ZSCAN29: variants seen among roughly 807,000 people sequenced by gnomAD.
The protein encoded by ZSCAN29 is zinc finger and SCAN domain containing 29.
Under a neutral mutation model 71.9 loss-of-function variants are expected in ZSCAN29, and 55 were observed. That is an observed-to-expected ratio of 0.76 (90% confidence interval 0.62 to 0.96). The LOEUF is 0.96. Among genes scored for constraint, ZSCAN29 ranks in the 40% least tolerant of loss-of-function variants. The probability of loss-of-function intolerance (pLI) is 0.00; values close to 1 mark genes in which losing one functional copy is unlikely to be tolerated. For missense variants in ZSCAN29, 1,042 were observed against 1,042.2 expected (o/e 1.00, Z 0.00); for synonymous variants, 351 against 371.6 (o/e 0.94, Z 0.64).
At chr15:43,362,297 T>C (rs893359309) in intron 5 of ZSCAN29, among the ~76,000 whole-genome samples, 4 of 152,216 alleles carry the variant, frequency 2.6e-5, no homozygotes, top group African/African-American at 7.2e-5. Flanking sequence ...TTTTGCCACA[T>C]CTCGGGTCTG....
intron 1 of ZSCAN29, 73 bp from the exon 2 acceptor site, chr15:43,370,098 C>G (rs1369912788): frequency 7.8e-6 from 5 of 641,498 alleles, no homozygotes; most frequent in African/African-American, 1.8e-5. Flanking sequence ...AGCTGGCCTG[C>G]CTTTCCATGT....
chr15:43,361,082 A>G lies in ZSCAN29; in HGVS notation c.2550T>C (p.Ala850=). ...ATATATCCTCAGGGGCTTACTTGGGAGCTGACTGTGTCAGAAGCTTTTCCC... is the reference window on the plus strand; with the variant it reads ...ATATATCCTCAGGGGCTTACTTGGGGGCTGACTGTGTCAGAAGCTTTTCCC... ...HAREKLLTQS[A]PK is the part of the protein sequence containing the mutation. Residue 850 remains alanine (A), a synonymous_variant, in exon 6 of 6, where the codon GCT becomes GCC. Coordinates refer to ENST00000684362, the MANE Select transcript of ZSCAN29 (RefSeq NM_001372080.1). The G allele has an allele frequency of 6.3e-7, 1 of 1,596,082 alleles. No individual in the cohort carries two copies. The highest frequency in any genetic ancestry group is 8.6e-7 in the Non-Finnish European group (1 of 1,168,102).
intron 5 of ZSCAN29, among the ~76,000 whole-genome samples, chr15:43,363,040 C>T (rs980216939): frequency 1.1e-4 from 16 of 151,530 alleles, no homozygotes; most frequent in Non-Finnish European, 1.9e-4. Flanking sequence ...TGCAATGGCA[C>T]GATCTCAGCT....
chr15:43,362,146 G>C (rs1444031801), intron 5 of ZSCAN29, among the ~76,000 whole-genome samples: 1 of 151,878 alleles, frequency 6.6e-6, no homozygotes, highest in Non-Finnish European at 1.5e-5. Flanking sequence ...ATCTACATAG[G>C]GTCTGAATAA....
chr15:43,362,035 T>C (rs745547417), intron 5 of ZSCAN29, 94 bp from the exon 6 acceptor site: 197 of 1,325,268 alleles, frequency 1.5e-4, no homozygotes, highest in Non-Finnish European at 2.0e-4. Flanking sequence ...TTACACCACA[T>C]GATTAAAATT....
At position 43,369,301 on chromosome 15, in the gene ZSCAN29, T is replaced by C. The variant is rs564812266; in HGVS notation, c.319-174A>G. On this transcript the variant is annotated intron_variant, in intron 2 of 5. Transcript: ENST00000684362. ...TTCCATTGCCATTAGCTTAAAGCAG[T>C]TGAAACTCCAGAAGGAAACGATCAA... is the stretch of plus-strand genomic sequence containing the variant. 79 of 643,684 alleles carry C rather than the reference T, an allele frequency of 1.2e-4. No homozygotes were observed. The South Asian group carries it at 1.3e-3, about 11-fold the overall frequency. 39.9% of individuals were successfully genotyped at this position (643,684 alleles called of 1,614,324 possible). A position where few individuals can be genotyped will look rare whatever the true frequency, so the allele number is the denominator to read the frequency against.
At chr15:43,363,736 G>A (rs1298963691) in intron 5 of ZSCAN29, 179 bp downstream of exon 5, 1 of 572,718 alleles carries the variant, frequency 1.7e-6, no homozygotes, top group African/African-American at 1.9e-5. Context: ...GGGAAGTCAA[G>A]TCACATAAAT....
At chr15:43,362,082 T>C in intron 5 of ZSCAN29, 141 bp from the exon 6 acceptor site, 1 of 813,856 alleles carries the variant, frequency 1.2e-6, no homozygotes. Context: ...ACCATTATCT[T>C]ATTAAAATCC....
In ZSCAN29 at chr15:43,369,361, ATC is replaced by A; in HGVS notation, c.318+233_318+234del. On this transcript the variant is annotated intron_variant, in intron 2 of 5. Transcript: ENST00000684362. ...CCCACCTTCAGGCTGAAAAAAAAAA[ATC>A]CCCTTTCTTCCCTATTAAGAAACTA... 1.2e-5 allele frequency: 7 copies of A among 593,088 alleles called. No individual in the cohort carries two copies. In the South Asian group the frequency reaches 2.1e-4, roughly 18 times the overall value. The allele number at this position is 593,088 out of a possible 1,614,324, so 36.7% of individuals were successfully genotyped here. A position where few individuals can be genotyped will look rare whatever the true frequency, so the allele number is the denominator to read the frequency against.
rs2142733559 is a variant in ZSCAN29, at chr15:43,366,540, C to T, written c.792G>A (p.Glu264=). 6.2e-7 allele frequency: 1 copy of T among 1,614,248 alleles called. No individual in the cohort carries two copies. Among genetic ancestry groups the T allele is most frequent in the East Asian group, 2.2e-5 (1 of 44,890 alleles). ...GGCAGTTTCTGAGAGCCTCATAAAA[C>T]TCAGTCTGGCTGAGAATTGCGAGGA... The part of the protein sequence containing the change: ...RTLLAILSQT[E]FYEALRNCHR... The change falls in exon 4 of 6, where the codon GAG becomes GAA. Residue 264 remains glutamate (E), a synonymous_variant. Transcript: ENST00000684362.
At chr15:43,362,054 C>T (rs2043988081) in intron 5 of ZSCAN29, 113 bp from the exon 6 acceptor site, 1 of 1,067,858 alleles carries the variant, frequency 9.4e-7, no homozygotes, top group Admixed American at 2.7e-5. Context: ...TTTAGGGAGC[C>T]CTAGATCCCA....
rs1595466984 is a variant in ZSCAN29, at chr15:43,364,294, G to A, written c.1311C>T (p.Arg437=). Residue 437 remains arginine (R), a synonymous_variant, in exon 5 of 6, where the codon CGC becomes CGT. Transcript: ENST00000684362. The part of the protein sequence containing the change: ...QFYEALRNCH[R]NSQLYGAVAE... ...CCACTGCTCCATACAGCTGGCTGTT[G>A]CGGTGACAGTTCCGGAGGGCTTCAT... The A allele has an allele frequency of 1.2e-6, 2 of 1,614,158 alleles. No homozygotes were observed. Among genetic ancestry groups the A allele is most frequent in the Middle Eastern group, 1.6e-4 (1 of 6,062 alleles).
In ZSCAN29 at chr15:43,370,987, G is replaced by GCCCCGGCCCCGGCCCCGGCCCCGA; in HGVS notation, c.-543_-542insTCGGGGCCGGGGCCGGGGCCGGGG. On this transcript the variant is annotated 5_prime_UTR_variant, in exon 1 of 6. Coordinates refer to ENST00000684362, the MANE Select transcript of ZSCAN29 (RefSeq NM_001372080.1). ...GGGTCCGACCCTGACCCCGGCCCCG[G>GCCCCGGCCCCGGCCCCGGCCCCGA]CCCCGGCCCCGGCCCCGGCTCTCCA... is the stretch of plus-strand genomic sequence containing the variant. 3.2e-6 allele frequency: 1 copy of GCCCCGGCCCCGGCCCCGGCCCCGA among 316,648 alleles called. No homozygotes were observed. Among genetic ancestry groups the GCCCCGGCCCCGGCCCCGGCCCCGA allele is most frequent in the South Asian group, 3.4e-5 (1 of 29,696 alleles). The allele number at this position is 316,648 out of a possible 1,614,324, so 19.6% of individuals were successfully genotyped here.
chr15:43,368,949 T>C lies in ZSCAN29; in HGVS notation c.497A>G (p.Glu166Gly). The stretch of plus-strand genomic sequence containing the variant: ...GCTCCTTTGAAAAGGTTTGAGCTTC[T>C]CCTTTGGGTTCATCTGCTCCTGTGG... ...LGPQEQMNPK[E>G]KLKPFQRSGL... Residue 166 changes from glutamate (E) to glycine (G), a missense_variant, in exon 3 of 6, where the codon GAG becomes GGG. Physicochemically the swap from Glu to Gly is moderately conservative, Grantham distance 98. Transcript: ENST00000684362. 1 of 1,609,330 alleles carries C rather than the reference T, an allele frequency of 6.2e-7. No homozygotes were observed. The highest frequency in any genetic ancestry group is 1.1e-5 in the South Asian group (1 of 90,096).
Position 43,361,580 on chromosome 15 carries a change from C to G in ZSCAN29, c.2052G>C (p.Gly684=). 1 of 1,614,180 alleles carries G rather than the reference C, an allele frequency of 6.2e-7. No individual in the cohort carries two copies. The highest frequency in any genetic ancestry group is 1.1e-5 in the South Asian group (1 of 91,086). ...GTCGTGCACTCCGACTGAAGCTTTTCCCACAATCAGCACATTTATATGGAT... is the reference window on the plus strand; with the variant it reads ...GTCGTGCACTCCGACTGAAGCTTTTGCCACAATCAGCACATTTATATGGAT... ...VENPYKCADC[G]KSFSRSARLI... The change falls in exon 6 of 6, where the codon GGG becomes GGC. Residue 684 remains glycine, a synonymous_variant. Coordinates refer to ENST00000684362, the MANE Select transcript of ZSCAN29 (RefSeq NM_001372080.1).
chr15:43,364,494 GA>G, intron 4 of ZSCAN29, 112 bp from the exon 5 acceptor site: 1 of 1,018,792 alleles, frequency 9.8e-7, no homozygotes, highest in Non-Finnish European at 1.5e-6. Flanking sequence ...GCTCCTAGAT[GA>G]AAAAGTAAAA....
In ZSCAN29 at chr15:43,371,013, G is replaced by C; in HGVS notation, c.-568C>G. The C allele has an allele frequency of 4.2e-6, 1 of 236,104 alleles. No homozygotes were observed. The highest frequency in any genetic ancestry group is 4.5e-5 in the South Asian group (1 of 22,120). The allele number at this position is 236,104 out of a possible 1,614,324, so 14.6% of individuals were successfully genotyped here. On this transcript the variant is annotated 5_prime_UTR_variant, in exon 1 of 6. Coordinates refer to ENST00000684362, the MANE Select transcript of ZSCAN29 (RefSeq NM_001372080.1). ...CCCCGGCCCCGGCCCCGGCTCTCCA[G>C]CCTCCCAAGTACAGCTCCCAAACCG...
rs2043980538 is a variant in ZSCAN29, at chr15:43,361,521, T to G, written c.2111A>C (p.Lys704Thr). ...IRHRRIHTGE[K>T]PYKCLDCGKS... ...TCCACAGTCAAGACATTTATAAGGTTTCTCTCCAGTGTGGATTCTCCGGTG... is the reference window on the plus strand; with the variant it reads ...TCCACAGTCAAGACATTTATAAGGTGTCTCTCCAGTGTGGATTCTCCGGTG... Residue 704 changes from lysine (K) to threonine (T), a missense_variant, in exon 6 of 6, where the codon AAA becomes ACA. Coordinates refer to ENST00000684362, the MANE Select transcript of ZSCAN29 (RefSeq NM_001372080.1). 6.2e-7 allele frequency: 1 copy of G among 1,614,082 alleles called. No homozygotes were observed. The highest frequency in any genetic ancestry group is 8.5e-7 in the Non-Finnish European group (1 of 1,180,042).
Position 43,369,734 on chromosome 15 carries a change from C to G in ZSCAN29, c.180G>C (p.Leu60=). The change falls in exon 2 of 6, where the codon CTG becomes CTC. Residue 60 remains leucine (L), a synonymous_variant. Coordinates refer to ENST00000684362, the MANE Select transcript of ZSCAN29 (RefSeq NM_001372080.1). Reference sequence around the variant, plus strand: ...CGGTCAGGAACTGCTCTAGCACCAACAGTTCTACAATCTGCTCCTTGGTGC... The same window carrying G: ...CGGTCAGGAACTGCTCTAGCACCAAGAGTTCTACAATCTGCTCCTTGGTGC... ...EVRTKEQIVE[L]LVLEQFLTVL... 1 of 1,614,272 alleles carries G rather than the reference C, an allele frequency of 6.2e-7. No homozygotes were observed. Among genetic ancestry groups the G allele is most frequent in the East Asian group, 2.2e-5 (1 of 44,890 alleles).
Sources: allele counts gnomAD v4.1 joint callset (sites outside exome capture counted in the v4.1 genomes callset), GRCh38; gene constraint gnomAD v4.1.1; transcripts MANE v1.5; gene names NCBI Gene and HGNC (gene_info 2026-07-23, HGNC 2026-07-21).